GSDMD: variants seen among roughly 807,000 people sequenced by gnomAD.
The protein encoded by GSDMD is gasdermin-D.
Under a neutral mutation model 46.7 loss-of-function variants are expected in GSDMD, and 46 were observed. The ratio of observed to expected loss-of-function variants is 0.99; its 90% CI spans 0.78 to 1.26. GSDMD has a LOEUF of 1.26. Ranked by LOEUF, GSDMD falls within the 50% of genes most tolerant of loss-of-function variation. The pLI is 0.00. For missense variants in GSDMD, 649 were observed against 638.8 expected, an observed-to-expected ratio of 1.02 and a Z score of -0.17; for synonymous variants, 307 against 283.1, an observed-to-expected ratio of 1.08 and a Z score of -0.85.
At chr8:143,554,134 G>A (rs1397817155), upstream of GSDMD, among the ~76,000 whole-genome samples, 1 of 152,248 alleles carries the variant, frequency 6.6e-6, no homozygotes, top group African/African-American at 2.4e-5. Flanking sequence ...GGGGAGGAGG[G>A]AGGAGGCCCA....
intron 2 of GSDMD, 51 bp from the exon 3 acceptor site, chr8:143,559,724 GGC>G: frequency 1.3e-6 from 2 of 1,536,646 alleles, no homozygotes; most frequent in Non-Finnish European, 1.8e-6. Flanking sequence ...GGCTGGTGGG[GGC>G]GGGGGAGAGG....
chr8:143,557,298 AGGATG>A (rs1285106704), upstream of GSDMD, among the ~76,000 whole-genome samples: 17 of 78,574 alleles, frequency 2.2e-4, 1 homozygote, highest in African/African-American at 9.0e-4. Flanking sequence ...GCTATGGCGA[AGGATG>A]CTGCCGCTAT....
At position 143,560,771 on chromosome 8, in the gene GSDMD, G is replaced by C. The variant is rs748856325; in HGVS notation, c.579G>C (p.Gln193His). The C allele has an allele frequency of 6.5e-7, 1 of 1,539,790 alleles. No homozygotes were observed. The highest frequency in any genetic ancestry group is 8.8e-7 in the Non-Finnish European group (1 of 1,141,688). ...RFSLPGATCLQGEGQGHLSQK... is the reference protein window; with the variant it reads ...RFSLPGATCLHGEGQGHLSQK... ...CCCTGCCCGGAGCCACGTGCTTGCA[G>C]GTGTGTAGCCAGCCCCGGGCCACGC... The change falls in exon 4 of 11, where the codon CAG (glutamine) becomes CAC (histidine). Residue 193 changes from glutamine (Q) to histidine (H), a missense_variant and splice_region_variant. By Grantham distance (24) the Gln-to-His change is conservative. Coordinates refer to ENST00000262580, the MANE Select transcript of GSDMD (RefSeq NM_024736.7).
chr8:143,559,296 C>G (rs371338688), intron 1 of GSDMD, 36 bp from the exon 2 acceptor site: 8 of 1,052,308 alleles, frequency 7.6e-6, no homozygotes, highest in East Asian at 2.4e-5. Context: ...CCGCCCGCCC[C>G]GAGAGCACAA....
intron 1 of GSDMD, 191 bp from the exon 2 acceptor site, chr8:143,559,141 C>G (rs1426363047): frequency 5.0e-6 from 3 of 603,932 alleles, no homozygotes; most frequent in Non-Finnish European, 8.8e-6. Flanking sequence ...AGGGAGAACA[C>G]TGTAATTCTG....
chr8:143,559,419 G>A lies in GSDMD; in HGVS notation c.84G>A (p.Leu28=), dbSNP rs1478906534. ...HGGEFIPVTS[L]QSSTGFQPYC... ...GGGAGTTCATCCCTGTGACCAGCCT[G>A]CAGAGCTCCACTGGCTTCCAGCCCT... The change falls in exon 2 of 11, where the codon CTG becomes CTA. Residue 28 remains leucine (L), a synonymous_variant. Transcript: ENST00000262580. The A allele has an allele frequency of 6.2e-7, 1 of 1,612,952 alleles. No homozygotes were observed. Among genetic ancestry groups the A allele is most frequent in the South Asian group, 1.1e-5 (1 of 91,088 alleles).
intron 1 of GSDMD, 191 bp from the exon 2 acceptor site, chr8:143,559,141 C>A: frequency 1.7e-6 from 1 of 604,050 alleles, no homozygotes; most frequent in Non-Finnish European, 2.9e-6. Flanking sequence ...AGGGAGAACA[C>A]TGTAATTCTG....
rs757337585 is a variant in GSDMD, at chr8:143,561,435, G to C, written c.736+12G>C. On this transcript the variant is annotated intron_variant, in intron 6 of 10. Coordinates refer to ENST00000262580, the MANE Select transcript of GSDMD (RefSeq NM_024736.7). Reference sequence around the variant, plus strand: ...GCCACCCGCGACAGGTGAGAGCCGAGAGCCCCCAGCATGGGGTGTCCGGTG... The same window carrying C: ...GCCACCCGCGACAGGTGAGAGCCGACAGCCCCCAGCATGGGGTGTCCGGTG... The C allele has an allele frequency of 2.1e-5, 33 of 1,609,496 alleles. No individual in the cohort carries two copies. The highest frequency in any genetic ancestry group is 2.8e-5 in the Non-Finnish European group (33 of 1,178,822).
chr8:143,559,280 T>TTGGCCCCCCCC, intron 1 of GSDMD, 52 bp from the exon 2 acceptor site: 1 of 579,430 alleles, frequency 1.7e-6, no homozygotes. Context: ...CTTCTCCCAC[T>TTGGCCCCCCCC]CCCTCCCGCC....
At position 143,559,544 on chromosome 8, in the gene GSDMD, C is replaced by T. The variant is rs754975330; in HGVS notation, c.209C>T (p.Ala70Val). Residue 70 changes from alanine to valine, a missense_variant, in exon 2 of 11, where the codon GCG (alanine) becomes GTG (valine). By Grantham distance (64) the Ala-to-Val change is moderately conservative (BLOSUM62 0). Transcript: ENST00000262580. ...SIKDILEPDA[A>V]EPDVQRGRSF... is the part of the protein sequence containing the mutation. Reference sequence around the variant, plus strand: ...AAGGACATCCTGGAGCCGGATGCCGCGGAACCAGGTGCCTGATGTGGTGCT... The same window carrying T: ...AAGGACATCCTGGAGCCGGATGCCGTGGAACCAGGTGCCTGATGTGGTGCT... 4.5e-5 allele frequency: 72 copies of T among 1,612,052 alleles called. No homozygotes were observed. The South Asian group carries it at 5.9e-4, about 13-fold the overall frequency.
upstream of GSDMD, among the ~76,000 whole-genome samples, chr8:143,557,377 G>GACGAAGGAT (rs1563902759): frequency 8.5e-6 from 1 of 117,644 alleles, no homozygotes; most frequent in Non-Finnish European, 1.9e-5. Flanking sequence ...CTGCCGCTAT[G>GACGAAGGAT]GCGAAGGATG....
upstream of GSDMD, among the ~76,000 whole-genome samples, chr8:143,555,681 G>T (rs1823286792): frequency 6.6e-6 from 1 of 152,242 alleles, no homozygotes; most frequent in Non-Finnish European, 1.5e-5. Context: ...AGGGGCAGCA[G>T]TGTGTGGGCT....
At chr8:143,554,562 G>A (rs1353531897), upstream of GSDMD, among the ~76,000 whole-genome samples, 4 of 149,740 alleles carry the variant, frequency 2.7e-5, no homozygotes, top group South Asian at 2.1e-4. Flanking sequence ...GCATACACGC[G>A]CGCAAACGCA....
At chr8:143,561,237 A>C in intron 5 of GSDMD, 133 bp downstream of exon 5, 1 of 1,209,900 alleles carries the variant, frequency 8.3e-7, no homozygotes, top group Admixed American at 2.0e-5. Flanking sequence ...CAGGTGGCTG[A>C]GGTCCTGTGC....
At position 143,562,995 on chromosome 8, in the gene GSDMD, C is replaced by T. The variant is rs1476167447; in HGVS notation, c.*91C>T. 6.5e-7 allele frequency: 1 copy of T among 1,543,186 alleles called. No homozygotes were observed. Among genetic ancestry groups the T allele is most frequent in the Admixed American group, 1.8e-5 (1 of 56,414 alleles). ...CCTAGGAAGGCCAGGAGCCCAGTAG[C>T]CATGTGGCCAGTCTACCATGGGGCC... On this transcript the variant is annotated 3_prime_UTR_variant, in exon 11 of 11. Transcript: ENST00000262580.
Position 143,560,691 on chromosome 8 carries a change from C to T in GSDMD, c.499C>T (p.Gln167Ter), listed in dbSNP as rs781027934. ...CGTGGTGACTGAGGTGCTGCAGACA[C>T]AGAAGGAGGTGGAAGTCACGCGCAC... ...VYVVTEVLQT[Q>*]KEVEVTRTHK... The change falls in exon 4 of 11, where the codon CAG becomes TAG. Residue 167 changes from glutamine (Q) to a stop codon, truncating the protein, a stop_gained. Coordinates refer to ENST00000262580, the MANE Select transcript of GSDMD (RefSeq NM_024736.7). LOFTEE classifies it high-confidence loss of function. 12 of 1,585,482 alleles carry T rather than the reference C, an allele frequency of 7.6e-6. No individual in the cohort carries two copies. The highest frequency in any genetic ancestry group is 1.0e-5 in the Non-Finnish European group (12 of 1,166,016).
At chr8:143,556,667 AG>A (rs1823301708), upstream of GSDMD, among the ~76,000 whole-genome samples, 1 of 151,282 alleles carries the variant, frequency 6.6e-6, no homozygotes, top group African/African-American at 2.4e-5. Flanking sequence ...AAGCCCAAGT[AG>A]CCCCATCCAC....
In GSDMD at chr8:143,560,825, G is replaced by C. The variant is rs753824582; in HGVS notation, c.579+54G>C. On this transcript the variant is annotated intron_variant, in intron 4 of 10. Coordinates refer to ENST00000262580, the MANE Select transcript of GSDMD (RefSeq NM_024736.7). Reference sequence around the variant, plus strand: ...GCCCCCCACGTGGGCATGCGGCGGCGGGTGACGGAGGCGGCGGGCTGGGCT... The same window carrying C: ...GCCCCCCACGTGGGCATGCGGCGGCCGGTGACGGAGGCGGCGGGCTGGGCT... 6.8e-6 allele frequency: 10 copies of C among 1,461,798 alleles called. No homozygotes were observed. The South Asian group carries it at 1.1e-4, about 16-fold the overall frequency. 90.6% of individuals were successfully genotyped at this position (1,461,798 alleles called of 1,614,324 possible). A position where few individuals can be genotyped will look rare whatever the true frequency, so the allele number is the denominator to read the frequency against.
At chr8:143,561,549 C>A in intron 6 of GSDMD, 126 bp downstream of exon 6, 5 of 999,238 alleles carry the variant, frequency 5.0e-6, no homozygotes, top group Non-Finnish European at 7.4e-6. Context: ...GCGGTGGGCA[C>A]CCCCCATACA....
Sources: gnomAD v4.1 joint callset for allele counts (sites outside exome capture counted in the v4.1 genomes callset) on GRCh38, gnomAD v4.1.1 for gene constraint, MANE v1.5 for transcripts, NCBI Gene and HGNC (gene_info 2026-07-23, HGNC 2026-07-21) for gene names.